The following ARMC8 variants were observed in gnomAD, a reference collection of about 807,000 sequenced individuals.
ARMC8 encodes armadillo repeat containing 8, also known as armadillo repeat-containing protein 8.
In ARMC8, 20 loss-of-function variants were observed where a neutral mutation model predicts 99.3. The ratio of observed to expected loss-of-function variants is 0.20; its 90% CI spans 0.14 to 0.29. ARMC8 has a LOEUF of 0.29. Ranked by LOEUF, ARMC8 falls within the 10% of genes least tolerant of loss-of-function variation. ARMC8 has a pLI of 1.00. For synonymous variants in ARMC8, 263 were observed against 278.3 expected (o/e 0.95, Z 0.55); for missense variants, 569 against 809.5 (o/e 0.70, Z 3.60).
chr3:138,272,850 C>T (rs906703275), intron 16 of ARMC8, 117 bp from the exon 17 acceptor site: 56 of 917,598 alleles, frequency 6.1e-5, no homozygotes, highest in East Asian at 1.9e-4. Flanking sequence ...CCAGCCTGGG[C>T]GACAGAGCAA....
At chr3:138,294,625 C>T (rs2051295160) in intron 21 of ARMC8, among the ~76,000 whole-genome samples, 1 of 152,202 alleles carries the variant, frequency 6.6e-6, no homozygotes, top group South Asian at 2.1e-4. Flanking sequence ...TTATTGTATG[C>T]ATAGTCTACT....
chr3:138,215,010 A>G (rs1040995259), intron 2 of ARMC8, among the ~76,000 whole-genome samples: 1 of 152,188 alleles, frequency 6.6e-6, no homozygotes, highest in African/African-American at 2.4e-5. Flanking sequence ...ACCAAATGTG[A>G]TAGAGTGATC....
chr3:138,262,470 GT>G, intron 12 of ARMC8: 1 of 1,541,844 alleles, frequency 6.5e-7, no homozygotes, highest in African/African-American at 1.4e-5. Context: ...TTCTCTTCTT[GT>G]TTGGCTGAAA....
chr3:138,272,602 C>A (rs1000651157), intron 16 of ARMC8, among the ~76,000 whole-genome samples: 7 of 152,308 alleles, frequency 4.6e-5, no homozygotes, highest in Admixed American at 3.9e-4. Context: ...GTTGGCCAAG[C>A]CTGGTGGCTC....
intron 12 of ARMC8, among the ~76,000 whole-genome samples, chr3:138,253,059 A>G (rs1407014949): frequency 6.6e-6 from 1 of 152,080 alleles, no homozygotes; most frequent in African/African-American, 2.4e-5. Flanking sequence ...GGTTCTGTGT[A>G]TTGGTTAGCA....
At chr3:138,201,621 C>G (rs1271794962) in intron 1 of ARMC8, among the ~76,000 whole-genome samples, 1 of 151,688 alleles carries the variant, frequency 6.6e-6, no homozygotes, top group African/African-American at 2.4e-5. Context: ...GCCACCACAC[C>G]CGGCTAATTT....
intron 12 of ARMC8, among the ~76,000 whole-genome samples, chr3:138,252,020 A>T (rs1335726725): frequency 2.0e-5 from 3 of 152,240 alleles, no homozygotes; most frequent in African/African-American, 4.8e-5. Context: ...TTAAATATGT[A>T]TGGAATAGTA....
At chr3:138,263,036 T>C (rs552184151) in intron 12 of ARMC8, among the ~76,000 whole-genome samples, 44 of 152,278 alleles carry the variant, frequency 2.9e-4, no homozygotes, top group Non-Finnish European at 5.3e-4. Flanking sequence ...TGTTTGTTAA[T>C]ATTTGTGTTG....
rs1453142346 is a variant in ARMC8, at chr3:138,256,398, CCTT to C, written c.1135-7337_1135-7335del. ...CCTGTAAAGTATATCTTTTTTTCCT[CCTT>C]CTTTTTTTTTTTTTTTTTTTTTTTT... On this transcript the variant is annotated intron_variant, in intron 12 of 21. Transcript: ENST00000469044. 6.1e-5 allele frequency among the ~76,000 whole-genome samples: 9 copies of C among 147,250 alleles called. No homozygotes were observed. In the South Asian group the frequency reaches 6.3e-4, roughly 10 times the overall value.
intron 6 of ARMC8, among the ~76,000 whole-genome samples, chr3:138,229,373 G>A (rs2045920618): frequency 7.0e-6 from 1 of 142,676 alleles, no homozygotes; most frequent in Admixed American, 7.0e-5. Flanking sequence ...GTATTTTAGT[G>A]TGTAGATTTA....
intron 18 of ARMC8, among the ~76,000 whole-genome samples, chr3:138,275,373 C>T (rs1456735220): frequency 4.6e-5 from 7 of 151,972 alleles, no homozygotes; most frequent in African/African-American, 9.7e-5. Context: ...CTGGCTAACA[C>T]GGTGAAACCC....
intron 21 of ARMC8, among the ~76,000 whole-genome samples, chr3:138,292,451 G>T (rs1245770967): frequency 6.6e-6 from 1 of 152,230 alleles, no homozygotes; most frequent in Non-Finnish European, 1.5e-5. Flanking sequence ...ATGTCGGTAA[G>T]GGAGTGGGGG....
intron 19 of ARMC8, among the ~76,000 whole-genome samples, chr3:138,288,724 G>C (rs2050664444): frequency 6.9e-6 from 1 of 144,398 alleles, no homozygotes; most frequent in South Asian, 2.2e-4. Context: ...TGCAACCTCT[G>C]CCTCCCAGGT....
intron 12 of ARMC8, among the ~76,000 whole-genome samples, chr3:138,262,845 T>C (rs2047889636): frequency 1.3e-5 from 2 of 152,200 alleles, no homozygotes; most frequent in Non-Finnish European, 2.9e-5. Flanking sequence ...ACCAGGGCTG[T>C]ATTACAAGTG....
intron 1 of ARMC8, among the ~76,000 whole-genome samples, chr3:138,208,339 G>A (rs1479724984): frequency 2.6e-5 from 4 of 152,078 alleles, no homozygotes; most frequent in Non-Finnish European, 5.9e-5. Context: ...GGTGGTGCGC[G>A]CCTGTAATCC....
intron 17 of ARMC8, 49 bp from the exon 18 acceptor site, chr3:138,274,400 C>A: frequency 8.0e-7 from 1 of 1,256,850 alleles, no homozygotes; most frequent in South Asian, 1.2e-5. Flanking sequence ...TGTATTCGTC[C>A]TGTGGTCTTT....
At chr3:138,250,733 C>T (rs899757766) in intron 12 of ARMC8, among the ~76,000 whole-genome samples, 2 of 152,122 alleles carry the variant, frequency 1.3e-5, no homozygotes, top group Non-Finnish European at 2.9e-5. Flanking sequence ...AAAACCATAT[C>T]CCAAAAATAT....
intron 7 of ARMC8, among the ~76,000 whole-genome samples, chr3:138,235,760 T>C (rs1023153249): frequency 1.3e-5 from 2 of 151,804 alleles, no homozygotes; most frequent in Non-Finnish European, 2.9e-5. Context: ...ATTTTTGTCT[T>C]CTGTCCTCTT....
intron 12 of ARMC8, among the ~76,000 whole-genome samples, chr3:138,255,225 TG>T (rs1224273424): frequency 7.0e-6 from 1 of 143,222 alleles, no homozygotes; most frequent in African/African-American, 2.6e-5. Context: ...TTTTTTGAGA[TG>T]GAGTCTCGCT....
Sources: allele counts gnomAD v4.1 joint callset (sites outside exome capture counted in the v4.1 genomes callset), GRCh38; gene constraint gnomAD v4.1.1; transcripts MANE v1.5; gene names NCBI Gene and HGNC (gene_info 2026-07-23, HGNC 2026-07-21).